The following CKMT2 variants were observed in gnomAD, a reference collection of about 807,000 sequenced individuals.
The protein encoded by CKMT2 is creatine kinase S-type, mitochondrial.
CKMT2 carries 43 observed loss-of-function variants against 48.9 expected under a neutral mutation model. That is an observed-to-expected ratio of 0.88 (90% confidence interval 0.69 to 1.13). CKMT2 has a LOEUF of 1.13. CKMT2 is among the 50% of genes most tolerant of loss of function. CKMT2 has a pLI of 0.00. For synonymous variants in CKMT2, 206 were observed against 213.0 expected, an observed-to-expected ratio of 0.97 and a Z score of 0.29; for missense variants, 472 against 555.4, an observed-to-expected ratio of 0.85 and a Z score of 1.51.
At chr5:81,254,282 A>T in intron 3 of CKMT2, 114 bp from the exon 4 acceptor site, 1 of 761,420 alleles carries the variant, frequency 1.3e-6, no homozygotes, top group Non-Finnish European at 2.3e-6. Flanking sequence ...TGAAAATTTC[A>T]GAGAAGGAGG....
intron 3 of CKMT2, among the ~76,000 whole-genome samples, chr5:81,253,208 T>C (rs1290017467): frequency 6.6e-6 from 1 of 152,178 alleles, no homozygotes; most frequent in African/African-American, 2.4e-5. Context: ...TTGAATGGTG[T>C]GTATTCACCA....
Position 81,254,380 on chromosome 5 carries a change from A to G in CKMT2, c.352-16A>G, listed in dbSNP as rs769285587. 2 of 1,602,924 alleles carry G rather than the reference A, an allele frequency of 1.2e-6. No individual in the cohort carries two copies. Among genetic ancestry groups the G allele is most frequent in the Non-Finnish European group, 1.7e-6 (2 of 1,169,672 alleles). On this transcript the variant is annotated splice_polypyrimidine_tract_variant and intron_variant, in intron 3 of 9. Coordinates refer to ENST00000254035, the MANE Select transcript of CKMT2 (RefSeq NM_001099735.2). ...TGAACCAGTTAAAGAGGAAACACCC[A>G]TCTTCCCTCCTGCAGGTGTTTGCTG...
intron 1 of CKMT2, among the ~76,000 whole-genome samples, chr5:81,247,756 G>C (rs763800729): frequency 1.3e-5 from 2 of 152,084 alleles, no homozygotes; most frequent in Non-Finnish European, 2.9e-5. Context: ...GTGTTCTGGC[G>C]AGACAAAAAC....
chr5:81,264,948 A>T (rs1757340459), intron 9 of CKMT2, among the ~76,000 whole-genome samples: 1 of 152,188 alleles, frequency 6.6e-6, no homozygotes, highest in East Asian at 1.9e-4. Context: ...TATATCATGA[A>T]CATTTTCCCA....
chr5:81,251,094 C>G lies in CKMT2; in HGVS notation c.-20-19C>G. ...GGTCATCCTATGAAGCTATCTAATC[C>G]AGCTTCTTTGCTTTCCAGACACTCA... is the stretch of plus-strand genomic sequence containing the variant. On this transcript the variant is annotated intron_variant, in intron 1 of 9. Transcript: ENST00000254035. 1 of 1,605,586 alleles carries G rather than the reference C, an allele frequency of 6.2e-7. No homozygotes were observed. The highest frequency in any genetic ancestry group is 8.5e-7 in the Non-Finnish European group (1 of 1,174,516).
intron 1 of CKMT2, 75 bp from the exon 2 acceptor site, chr5:81,251,038 C>G: frequency 8.8e-7 from 1 of 1,142,656 alleles, no homozygotes; most frequent in East Asian, 2.4e-5. Context: ...CTGCAGTTCT[C>G]TTGCCCATTG....
At chr5:81,241,186 G>A (rs991956752) in intron 1 of CKMT2, among the ~76,000 whole-genome samples, 3 of 152,176 alleles carry the variant, frequency 2.0e-5, no homozygotes, top group African/African-American at 7.2e-5. Context: ...CACCCGACTG[G>A]AGCCTTGCCA....
chr5:81,254,790 C>G, intron 4 of CKMT2: 1 of 607,178 alleles, frequency 1.6e-6, no homozygotes, highest in Non-Finnish European at 2.9e-6. Context: ...CCAGACCACG[C>G]TATATAAAAC....
In CKMT2 at chr5:81,246,592, A is replaced by G. The variant is rs150989839; in HGVS notation, c.-20-4521A>G. On this transcript the variant is annotated intron_variant, in intron 1 of 9. Transcript: ENST00000254035. The stretch of plus-strand genomic sequence containing the variant: ...AGAACTGTTTCTTTTGCTCACTTTC[A>G]TATCATTATTGCCTAGCACAGTGCC... Among the ~76,000 whole-genome samples, 224 of 152,290 alleles carry G rather than the reference A, an allele frequency of 1.5e-3. 1 individual carries two copies. Among genetic ancestry groups the G allele is most frequent in the African/African-American group, 5.0e-3 (207 of 41,574 alleles).
Position 81,251,292 on chromosome 5 carries a change from C to T in CKMT2, c.152+8C>T. The stretch of plus-strand genomic sequence containing the variant: ...TAGGCTATTTCCTCCAAGGTAAGGG[C>T]TCCTGACTTTAAAATAACCTCAGGC... On this transcript the variant is annotated splice_region_variant and intron_variant, in intron 2 of 9. Transcript: ENST00000254035. 6.2e-7 allele frequency: 1 copy of T among 1,613,398 alleles called. No individual in the cohort carries two copies. The highest frequency in any genetic ancestry group is 8.5e-7 in the Non-Finnish European group (1 of 1,179,792).
Position 81,251,120 on chromosome 5 carries a change from T to C in CKMT2, c.-13T>C. The C allele has an allele frequency of 6.2e-7, 1 of 1,613,244 alleles. No individual in the cohort carries two copies. Among genetic ancestry groups the C allele is most frequent in the Non-Finnish European group, 8.5e-7 (1 of 1,179,516 alleles). On this transcript the variant is annotated 5_prime_UTR_variant, in exon 2 of 10. Coordinates refer to ENST00000254035, the MANE Select transcript of CKMT2 (RefSeq NM_001099735.2). ...AGCTTCTTTGCTTTCCAGACACTCATCCAAGAGGAAGGATGGCCAGTATCT... is the reference window on the plus strand; with the variant it reads ...AGCTTCTTTGCTTTCCAGACACTCACCCAAGAGGAAGGATGGCCAGTATCT...
At chr5:81,247,772 C>A (rs1195883938) in intron 1 of CKMT2, among the ~76,000 whole-genome samples, 1 of 152,158 alleles carries the variant, frequency 6.6e-6, no homozygotes, top group South Asian at 2.1e-4. Context: ...AAAACAGAGT[C>A]AAGGAAGCAG....
intron 6 of CKMT2, 141 bp downstream of exon 6, chr5:81,257,141 AGTGTGT>A (rs3830407): frequency 0.016 from 8,005 of 498,310 alleles, 133 homozygotes; most frequent in African/African-American, 0.078. Flanking sequence ...CTACTTGGAA[AGTGTGT>A]GTGTGTGTGT....
chr5:81,265,519 G>GA (rs892662630), intron 9 of CKMT2, among the ~76,000 whole-genome samples: 6 of 151,002 alleles, frequency 4.0e-5, no homozygotes, highest in African/African-American at 1.2e-4. Flanking sequence ...GATCCCAGGG[G>GA]AAAAAAAAAT....
intron 5 of CKMT2, 82 bp from the exon 6 acceptor site, chr5:81,256,833 T>G: frequency 1.0e-6 from 1 of 954,230 alleles, no homozygotes; most frequent in South Asian, 1.5e-5. Context: ...GATAAGTGGG[T>G]TGGAACTTGT....
intron 7 of CKMT2, 96 bp from the exon 8 acceptor site, chr5:81,259,024 A>G: frequency 2.6e-6 from 3 of 1,156,204 alleles, no homozygotes; most frequent in Non-Finnish European, 3.7e-6. Context: ...TTCATGCCAG[A>G]GGAGGGTACA....
intron 1 of CKMT2, among the ~76,000 whole-genome samples, chr5:81,235,514 C>T (rs1756218093): frequency 6.6e-6 from 1 of 152,136 alleles, no homozygotes; most frequent in South Asian, 2.1e-4. Context: ...CACATGGACG[C>T]TGTGAATGGC....
At position 81,254,455 on chromosome 5, in the gene CKMT2, G is replaced by A. The variant is rs1756927224; in HGVS notation, c.411G>A (p.Arg137=). ...IKLRHNGYDP[R]VMKHTTDLDA... ...TAAGACACAACGGCTATGACCCCAG[G>A]GTGATGAAGCACACAACGGATCTGG... The change falls in exon 4 of 10, where the codon AGG becomes AGA. Residue 137 remains arginine (R), a synonymous_variant. Transcript: ENST00000254035. 4.3e-6 allele frequency: 7 copies of A among 1,614,152 alleles called. No individual in the cohort carries two copies. The highest frequency in any genetic ancestry group is 5.9e-6 in the Non-Finnish European group (7 of 1,180,024).
chr5:81,260,985 G>T (rs1042757271), intron 8 of CKMT2, among the ~76,000 whole-genome samples: 1 of 152,118 alleles, frequency 6.6e-6, no homozygotes, highest in African/African-American at 2.4e-5. Flanking sequence ...CTGGCAAACC[G>T]AATCCAGCAG....
Sources: gnomAD v4.1 joint callset for allele counts (sites outside exome capture counted in the v4.1 genomes callset) on GRCh38, gnomAD v4.1.1 for gene constraint, MANE v1.5 for transcripts, NCBI Gene and HGNC (gene_info 2026-07-23, HGNC 2026-07-21) for gene names.